The following WDR17 variants were observed in gnomAD, a reference collection of about 807,000 sequenced individuals.
WDR17 encodes WD repeat domain 17.
A neutral mutation model predicts 161.7 loss-of-function variants in WDR17; 143 were observed. The observed-to-expected ratio is 0.88, with a 90% CI of 0.77 to 1.02. WDR17 has a LOEUF of 1.02. Among genes scored for constraint, WDR17 ranks in the 50% least tolerant of loss-of-function variants. The pLI, the probability that WDR17 is intolerant of heterozygous loss-of-function variation, is 0.00. For synonymous variants in WDR17, 517 were observed against 515.6 expected (o/e 1.00, Z -0.04); for missense variants, 1,469 against 1,520.9 (o/e 0.97, Z 0.57).
At chr4:176,131,521 A>C in intron 6 of WDR17, 33 bp from the exon 7 acceptor site, 1 of 1,562,744 alleles carries the variant, frequency 6.4e-7, no homozygotes, top group Non-Finnish European at 8.6e-7. Context: ...CTGTGGTTTC[A>C]TTCCAATAGG....
chr4:176,072,164 C>T (rs1733327655), intron 1 of WDR17, among the ~76,000 whole-genome samples: 1 of 152,174 alleles, frequency 6.6e-6, no homozygotes, highest in African/African-American at 2.4e-5. Context: ...ATAACACTGC[C>T]TGCCAAGCAT....
chr4:176,115,748 A>T (rs1322975082), intron 2 of WDR17, 48 bp from the exon 3 acceptor site: 7 of 1,415,228 alleles, frequency 4.9e-6, no homozygotes, highest in Admixed American at 2.3e-5. Flanking sequence ...ACAGTGTATT[A>T]TCTTAAAAAG....
chr4:176,144,428 G>A (rs1745841046), intron 11 of WDR17, among the ~76,000 whole-genome samples: 1 of 151,838 alleles, frequency 6.6e-6, no homozygotes, highest in Non-Finnish European at 1.5e-5. Context: ...ACTGTGCCTT[G>A]AAAAAAGGAG....
chr4:176,134,072 A>G (rs1743986795), intron 7 of WDR17, among the ~76,000 whole-genome samples: 1 of 151,792 alleles, frequency 6.6e-6, no homozygotes, highest in Admixed American at 6.6e-5. Flanking sequence ...AGCTTCAGCC[A>G]GGTGAACCAG....
intron 1 of WDR17, among the ~76,000 whole-genome samples, chr4:176,101,948 C>A (rs947034850): frequency 6.6e-6 from 1 of 151,994 alleles, no homozygotes; most frequent in Non-Finnish European, 1.5e-5. Context: ...TAAGAGAAAA[C>A]CTGGATGACT....
chr4:176,145,964 C>T, intron 11 of WDR17, 31 bp from the exon 12 acceptor site: 1 of 1,580,302 alleles, frequency 6.3e-7, no homozygotes, highest in South Asian at 1.1e-5. Context: ...CATATTTATC[C>T]TATGTCAATA....
At chr4:176,133,258 TAAA>T (rs199845273) in intron 7 of WDR17, among the ~76,000 whole-genome samples, 3 of 96,734 alleles carry the variant, frequency 3.1e-5, no homozygotes, top group South Asian at 3.5e-4. Context: ...CTCCTCTCTC[TAAA>T]AAAAAAAAAA....
At chr4:176,126,148 A>G (rs1167352282) in intron 5 of WDR17, among the ~76,000 whole-genome samples, 1 of 152,250 alleles carries the variant, frequency 6.6e-6, no homozygotes, top group Non-Finnish European at 1.5e-5. Flanking sequence ...AGTTTATAAC[A>G]CAAGAATTTT....
At chr4:176,107,784 T>G (rs1429943855) in intron 1 of WDR17, among the ~76,000 whole-genome samples, 1 of 152,130 alleles carries the variant, frequency 6.6e-6, no homozygotes, top group Non-Finnish European at 1.5e-5. Context: ...ACAAATATTT[T>G]TTCCCATTCT....
intron 1 of WDR17, among the ~76,000 whole-genome samples, chr4:176,067,207 G>A (rs1476325645): frequency 1.3e-5 from 2 of 152,172 alleles, no homozygotes. Context: ...GCAGACGTCT[G>A]AGATAGGTGG....
intron 7 of WDR17, among the ~76,000 whole-genome samples, chr4:176,134,688 T>C (rs970659501): frequency 2.0e-5 from 3 of 151,740 alleles, no homozygotes; most frequent in East Asian, 1.9e-4. Flanking sequence ...TAAATGACTT[T>C]TAGTTTGAGT....
In WDR17 at chr4:176,151,984, GT is replaced by G; in HGVS notation, c.2460+18del. ...CTTGGAGAGGTAATGTGCTATGAAA[GT>G]AAAACTAATGAGTTTAACATAGTAG... On this transcript the variant is annotated intron_variant, in intron 17 of 28. Coordinates refer to ENST00000508596, the MANE Select transcript of WDR17 (RefSeq NM_181265.4). 1 of 1,605,886 alleles carries G rather than the reference GT, an allele frequency of 6.2e-7. No individual in the cohort carries two copies. The highest frequency in any genetic ancestry group is 8.5e-7 in the Non-Finnish European group (1 of 1,177,248).
At chr4:176,145,933 C>T in intron 11 of WDR17, 62 bp from the exon 12 acceptor site, 1 of 1,429,508 alleles carries the variant, frequency 7.0e-7, no homozygotes, top group Non-Finnish European at 9.5e-7. Flanking sequence ...TATGGTATAC[C>T]TTTAATTATT....
intron 1 of WDR17, among the ~76,000 whole-genome samples, chr4:176,108,039 C>A (rs565619597): frequency 6.6e-6 from 1 of 151,724 alleles, no homozygotes; most frequent in East Asian, 1.9e-4. Context: ...CCACTTGCCT[C>A]CCTCTCCCCT....
chr4:176,177,538 A>G lies in WDR17; in HGVS notation c.3616A>G (p.Lys1206Glu). 1 of 1,600,132 alleles carries G rather than the reference A, an allele frequency of 6.2e-7. No homozygotes were observed. The highest frequency in any genetic ancestry group is 8.5e-7 in the Non-Finnish European group (1 of 1,176,626). Residue 1206 changes from lysine (K) to glutamate (E), a missense_variant, in exon 28 of 29, where the codon AAG (lysine) becomes GAG (glutamate). By Grantham distance (56) the Lys-to-Glu change is moderately conservative (BLOSUM62 1). Transcript: ENST00000508596. Reference protein sequence around the residue: ...SQRMIYATLLKRLKEESLKGI... With the variant: ...SQRMIYATLLERLKEESLKGI... The stretch of plus-strand genomic sequence containing the variant: ...AAGAATGATTTATGCAACTTTATTA[A>G]AGAGACTAAAAGAAGAGTCACTGAA...
intron 5 of WDR17, among the ~76,000 whole-genome samples, chr4:176,126,517 G>C (rs1256958194): frequency 6.6e-6 from 1 of 152,028 alleles, no homozygotes; most frequent in Non-Finnish European, 1.5e-5. Flanking sequence ...TGTATCTGTG[G>C]GTTCTGCATC....
chr4:176,160,079 T>G lies in WDR17; in HGVS notation c.2611T>G (p.Phe871Val). Residue 871 changes from phenylalanine to valine, a missense_variant, in exon 19 of 29, where the codon TTT (phenylalanine) becomes GTT (valine). Phe to Val is a conservative substitution (Grantham distance 50). Transcript: ENST00000508596. ...AIGDVKKLVH[F>V]FMSRGQLKEA... ...TGGTGATGTGAAAAAGCTAGTCCAT[T>G]TTTTCATGTCAAGAGGTCAGCTTAA... 6.2e-7 allele frequency: 1 copy of G among 1,613,942 alleles called. No homozygotes were observed. Among genetic ancestry groups the G allele is most frequent in the African/African-American group, 1.3e-5 (1 of 75,048 alleles).
At chr4:176,141,550 C>T (rs2126788828) in intron 10 of WDR17, among the ~76,000 whole-genome samples, 1 of 152,202 alleles carries the variant, frequency 6.6e-6, no homozygotes, top group South Asian at 2.1e-4. Flanking sequence ...CTGCCTCAGC[C>T]TCCTGAGTAG....
chr4:176,131,634 C>T lies in WDR17; in HGVS notation c.994C>T (p.Gln332Ter). 6.2e-7 allele frequency: 1 copy of T among 1,613,778 alleles called. No homozygotes were observed. The change falls in exon 7 of 29, where the codon CAA (glutamine) becomes TAA (stop). Residue 332 changes from glutamine to a stop codon, truncating the protein, a stop_gained. Transcript: ENST00000508596. LOFTEE classifies it high-confidence loss of function. ...AVPPPTLTQN[Q>*]AFSLPPGHAV... ...TCCACCCCCAACTTTAACACAGAAT[C>T]AAGCATTTTCTCTTCCTCCTGGTCA...
Sources: allele counts gnomAD v4.1 joint callset (sites outside exome capture counted in the v4.1 genomes callset), GRCh38; gene constraint gnomAD v4.1.1; transcripts MANE v1.5; gene names NCBI Gene and HGNC (gene_info 2026-07-23, HGNC 2026-07-21).